Variants in ADGB observed in about 807,000 individuals in gnomAD.
ADGB encodes the protein calpain-7-like protein.
A neutral mutation model predicts 210.5 loss-of-function variants in ADGB; 172 were observed. The observed-to-expected ratio is 0.82, with a 90% CI of 0.72 to 0.93. The LOEUF (loss-of-function observed/expected upper bound fraction) is 0.93, where lower values mean the gene tolerates loss of function less well. ADGB is among the 40% of genes least tolerant of loss of function. The pLI is 0.00. For missense variants in ADGB, 2,025 were observed against 1,964.8 expected (o/e 1.03, Z -0.58); for synonymous variants, 658 against 662.7 (o/e 0.99, Z 0.11).
intron 1 of ADGB, among the ~76,000 whole-genome samples, chr6:146,601,624 C>A (rs569805570): frequency 2.0e-5 from 3 of 152,128 alleles, no homozygotes; most frequent in Non-Finnish European, 4.4e-5. Context: ...TTTTACCACA[C>A]CTTGTGTTTA....
At chr6:146,642,401 C>G (rs951152190) in intron 2 of ADGB, among the ~76,000 whole-genome samples, 2 of 151,792 alleles carry the variant, frequency 1.3e-5, no homozygotes, top group Non-Finnish European at 2.9e-5. Context: ...CCCAGAGCAA[C>G]ATAAGTCATT....
chr6:146,753,281 GAA>G (rs1053443482), intron 27 of ADGB, among the ~76,000 whole-genome samples: 3 of 151,852 alleles, frequency 2.0e-5, no homozygotes, highest in African/African-American at 7.2e-5. Context: ...GTGCTACTCA[GAA>G]AAAAAGTTAA....
chr6:146,663,863 G>A (rs1302180784), intron 5 of ADGB, among the ~76,000 whole-genome samples: 1 of 152,146 alleles, frequency 6.6e-6, no homozygotes, highest in South Asian at 2.1e-4. Flanking sequence ...TTATGTCCAA[G>A]CTTATCCATG....
chr6:146,707,566 C>T (rs1776590568), intron 13 of ADGB, among the ~76,000 whole-genome samples: 1 of 152,092 alleles, frequency 6.6e-6, no homozygotes, highest in Non-Finnish European at 1.5e-5. Context: ...AAGAAATTGA[C>T]ACCTTTATCA....
chr6:146,603,582 T>C (rs1277232903), intron 1 of ADGB, among the ~76,000 whole-genome samples: 1 of 152,218 alleles, frequency 6.6e-6, no homozygotes, highest in Non-Finnish European at 1.5e-5. Flanking sequence ...ACAGGAACCA[T>C]ATAGCCTTGT....
chr6:146,668,361 A>T (rs1775964386), intron 7 of ADGB, among the ~76,000 whole-genome samples: 1 of 152,048 alleles, frequency 6.6e-6, no homozygotes, highest in Non-Finnish European at 1.5e-5. Flanking sequence ...AGTAACTTGG[A>T]TTCTGCCATC....
rs192310446 is a variant in ADGB at position 146,692,923 on chromosome 6, T to C, written c.1577+8T>C. On this transcript the variant is annotated splice_region_variant and intron_variant, in intron 12 of 35. Coordinates refer to ENST00000397944, the MANE Select transcript of ADGB (RefSeq NM_024694.4). ...TACAATTCCAACAGAAATGTAAGTA[T>C]TAACATTCTTCCTCACAAATGTGTC... 390 of 1,394,658 alleles carry C rather than the reference T, an allele frequency of 2.8e-4. 1 individual carries two copies. The East Asian group carries it at 7.5e-3, about 27-fold the overall frequency. The allele number at this position is 1,394,658 out of a possible 1,614,324, so 86.4% of individuals were successfully genotyped here.
At chr6:146,770,649 G>T (rs1333365695) in intron 29 of ADGB, 1 of 461,390 alleles carries the variant, frequency 2.2e-6, no homozygotes, top group Non-Finnish European at 4.5e-6. Flanking sequence ...CTGCTGTGTG[G>T]GCAAGATTCT....
chr6:146,734,964 G>T (rs1490340024), intron 22 of ADGB, among the ~76,000 whole-genome samples: 1 of 151,814 alleles, frequency 6.6e-6, no homozygotes, highest in African/African-American at 2.4e-5. Flanking sequence ...TCATTCTGTG[G>T]TTTTTGCTGA....
At chr6:146,626,230 T>C (rs1019066995) in intron 1 of ADGB, among the ~76,000 whole-genome samples, 2 of 152,160 alleles carry the variant, frequency 1.3e-5, no homozygotes, top group Admixed American at 1.3e-4. Context: ...TATCATCATA[T>C]ATTTGATGTT....
At chr6:146,697,562 A>G (rs1160356017) in intron 12 of ADGB, among the ~76,000 whole-genome samples, 1 of 152,192 alleles carries the variant, frequency 6.6e-6, no homozygotes, top group African/African-American at 2.4e-5. Context: ...CTAAAGGAGA[A>G]TAAGCAAAGT....
At chr6:146,814,171 A>T (rs564359174) in intron 35 of ADGB, among the ~76,000 whole-genome samples, 32 of 152,316 alleles carry the variant, frequency 2.1e-4, no homozygotes, top group Admixed American at 6.5e-4. Context: ...CTTTTCCAAC[A>T]TCTCAATAAA....
chr6:146,811,247 A>G (rs989558370), intron 35 of ADGB, among the ~76,000 whole-genome samples: 24 of 152,238 alleles, frequency 1.6e-4, no homozygotes, highest in African/African-American at 5.3e-4. Context: ...GGTTTGTTTT[A>G]CAAAATGGCA....
intron 9 of ADGB, among the ~76,000 whole-genome samples, chr6:146,684,672 T>C (rs1449689089): frequency 6.6e-6 from 1 of 152,116 alleles, no homozygotes; most frequent in Non-Finnish European, 1.5e-5. Flanking sequence ...CACAGTACCT[T>C]GTATTCCACA....
chr6:146,709,576 G>T (rs1776630635), intron 13 of ADGB, among the ~76,000 whole-genome samples: 1 of 152,188 alleles, frequency 6.6e-6, no homozygotes, highest in Non-Finnish European at 1.5e-5. Flanking sequence ...ACTGATACTG[G>T]CATAGACCTA....
At chr6:146,678,606 C>A (rs542489861) in intron 9 of ADGB, among the ~76,000 whole-genome samples, 10 of 152,072 alleles carry the variant, frequency 6.6e-5, no homozygotes, top group African/African-American at 2.2e-4. Flanking sequence ...TATAAAGAAC[C>A]CCTGTTTTAT....
Position 146,640,666 on chromosome 6 carries a change from G to A in ADGB, c.238-4107G>A, listed in dbSNP as rs559948701. The stretch of plus-strand genomic sequence containing the variant: ...ACAAAACTAAAGACAAAAACCACAT[G>A]AATATCTATATAAATGCAGAAGAGG... On this transcript the variant is annotated intron_variant, in intron 2 of 35. Transcript: ENST00000397944. 2.6e-5 allele frequency among the ~76,000 whole-genome samples: 4 copies of A among 152,038 alleles called. No individual in the cohort carries two copies. In the South Asian group the frequency reaches 8.3e-4, roughly 32 times the overall value.
chr6:146,719,269 C>T (rs1184025022), intron 16 of ADGB, among the ~76,000 whole-genome samples: 1 of 152,152 alleles, frequency 6.6e-6, no homozygotes, highest in South Asian at 2.1e-4. Flanking sequence ...TGCATAGAAG[C>T]TTTTGGTACA....
In ADGB at chr6:146,769,047, G is replaced by A; in HGVS notation, c.3778G>A (p.Val1260Met). ...QNYKYIIQCS[V>M]LYNSWPLTES... is the part of the protein sequence containing the mutation. ...TTACAAGTATATTATACAGTGTTCG[G>A]TGTTGTATAACAGTTGGCCTCTCAC... The change falls in exon 29 of 36, where the codon GTG (valine) becomes ATG (methionine). Residue 1260 changes from valine (V) to methionine (M), a missense_variant. Coordinates refer to ENST00000397944, the MANE Select transcript of ADGB (RefSeq NM_024694.4). The A allele has an allele frequency of 6.6e-7, 1 of 1,525,688 alleles. No homozygotes were observed. Among genetic ancestry groups the A allele is most frequent in the Non-Finnish European group, 8.9e-7 (1 of 1,128,750 alleles). 94.5% of individuals were successfully genotyped at this position (1,525,688 alleles called of 1,614,324 possible).
Sources: gnomAD v4.1 joint callset for allele counts (sites outside exome capture counted in the v4.1 genomes callset) on GRCh38, gnomAD v4.1.1 for gene constraint, MANE v1.5 for transcripts, NCBI Gene and HGNC (gene_info 2026-07-23, HGNC 2026-07-21) for gene names.